The following GMPR variants were observed in gnomAD, a reference collection of about 807,000 sequenced individuals.
GMPR encodes GMP reductase 1.
Under a neutral mutation model 38.4 loss-of-function variants are expected in GMPR, and 31 were observed. That is an observed-to-expected ratio of 0.81 (90% CI 0.61 to 1.09). The LOEUF is 1.09. GMPR is among the 50% of genes least tolerant of loss of function. The pLI is 0.00. For synonymous variants in GMPR, 162 were observed against 173.3 expected, an observed-to-expected ratio of 0.93 and a Z score of 0.51; for missense variants, 468 against 453.7, an observed-to-expected ratio of 1.03 and a Z score of -0.29.
In GMPR at chr6:16,295,327, C is replaced by T. The variant is rs1208606215; in HGVS notation, c.*141C>T. The T allele has an allele frequency of 6.4e-6, 4 of 624,268 alleles. No homozygotes were observed. The highest frequency in any genetic ancestry group is 4.9e-6 in the Non-Finnish European group (2 of 406,032). 38.7% of individuals were successfully genotyped at this position (624,268 alleles called of 1,614,324 possible). A position where few individuals can be genotyped will look rare whatever the true frequency, so the allele number is the denominator to read the frequency against. ...TGTCCTCTCTTCTGTCTCCTGCTGC[C>T]TGGAGGCTTCGGGGCTCTCCCGCCT... On this transcript the variant is annotated 3_prime_UTR_variant, in exon 9 of 9. Transcript: ENST00000259727.
At chr6:16,240,602 C>T (rs1376851465) in intron 1 of GMPR, among the ~76,000 whole-genome samples, 1 of 152,226 alleles carries the variant, frequency 6.6e-6, no homozygotes, top group African/African-American at 2.4e-5. Context: ...TGCCACTGCA[C>T]TTCAGCCTGG....
intron 1 of GMPR, among the ~76,000 whole-genome samples, chr6:16,240,082 T>C (rs576650759): frequency 6.6e-6 from 1 of 152,306 alleles, no homozygotes; most frequent in East Asian, 1.9e-4. Context: ...AATAGGGGGA[T>C]TCTGGATGTG....
intron 7 of GMPR, 104 bp downstream of exon 7, chr6:16,285,939 G>A: frequency 2.1e-6 from 2 of 959,576 alleles, no homozygotes; most frequent in Non-Finnish European, 3.3e-6. Context: ...TGGTGGGGAA[G>A]TTCTGGGTCT....
Position 16,295,039 on chromosome 6 carries a change from C to G in GMPR, c.891C>G (p.Tyr297Ter). ...ASEGKTVEVPYKGDVENTILD... is the reference protein window; with the variant it reads ...ASEGKTVEVP ...AGGGTAAGACTGTGGAAGTTCCTTA[C>G]AAAGGAGATGTGGAAAACACTATCC... is the stretch of plus-strand genomic sequence containing the variant. The change falls in exon 9 of 9, where the codon TAC becomes TAG. Residue 297 changes from tyrosine (Y) to a stop codon, truncating the protein, a stop_gained. Transcript: ENST00000259727. LOFTEE classifies it high-confidence loss of function. The G allele has an allele frequency of 6.2e-7, 1 of 1,609,166 alleles. No individual in the cohort carries two copies.
chr6:16,271,185 A>T (rs1759377457), intron 4 of GMPR, among the ~76,000 whole-genome samples: 1 of 152,018 alleles, frequency 6.6e-6, no homozygotes, highest in African/African-American at 2.4e-5. Context: ...AAAGAAATCC[A>T]CATTGAAAAT....
At chr6:16,273,824 T>C in intron 4 of GMPR, among the ~76,000 whole-genome samples, 1 of 149,138 alleles carries the variant, frequency 6.7e-6, no homozygotes, top group African/African-American at 2.5e-5. Flanking sequence ...TTTTTTTTTT[T>C]TTTTTTTTTG....
chr6:16,267,817 G>T (rs543480383), intron 4 of GMPR, among the ~76,000 whole-genome samples: 2 of 152,306 alleles, frequency 1.3e-5, no homozygotes, highest in African/African-American at 4.8e-5. Context: ...TTAGATAGAG[G>T]CCAAGCTCTA....
chr6:16,265,691 A>C (rs1397548015), intron 4 of GMPR, among the ~76,000 whole-genome samples: 1 of 150,948 alleles, frequency 6.6e-6, no homozygotes, highest in Non-Finnish European at 1.5e-5. Context: ...ACCAATCAGC[A>C]CTCTGTAAAA....
At chr6:16,287,350 G>A (rs1759706089) in intron 7 of GMPR, among the ~76,000 whole-genome samples, 1 of 152,184 alleles carries the variant, frequency 6.6e-6, no homozygotes, top group Non-Finnish European at 1.5e-5. Context: ...TCTGTACAGA[G>A]GGAGAGCCAA....
intron 4 of GMPR, among the ~76,000 whole-genome samples, chr6:16,274,088 A>G (rs1471448700): frequency 6.6e-6 from 1 of 152,170 alleles, no homozygotes; most frequent in Admixed American, 6.5e-5. Context: ...TACTGAGATT[A>G]CAGGCGTGAG....
intron 4 of GMPR, among the ~76,000 whole-genome samples, chr6:16,258,868 T>C (rs1375560321): frequency 6.6e-6 from 1 of 152,230 alleles, no homozygotes; most frequent in African/African-American, 2.4e-5. Context: ...TGGAGTGTTA[T>C]TACGATTGTT....
At position 16,288,162 on chromosome 6, in the gene GMPR, G is replaced by T. The variant is rs112231871; in HGVS notation, c.698-2300G>T. ...GGGCTCCCACTTTGGCAGCACTTGAGGAGCCCTTCAGCCCGTCTCTGCACT... is the reference window on the plus strand; with the variant it reads ...GGGCTCCCACTTTGGCAGCACTTGATGAGCCCTTCAGCCCGTCTCTGCACT... On this transcript the variant is annotated intron_variant, in intron 7 of 8. Transcript: ENST00000259727. Among the ~76,000 whole-genome samples, 367 of 152,364 alleles carry T rather than the reference G, an allele frequency of 2.4e-3. 1 individual carries two copies. Among genetic ancestry groups the T allele is most frequent in the Non-Finnish European group, 4.3e-3 (292 of 68,032 alleles).
At position 16,295,239 on chromosome 6, in the gene GMPR, T is replaced by C; in HGVS notation, c.*53T>C. 3.0e-6 allele frequency: 4 copies of C among 1,318,308 alleles called. No homozygotes were observed. The highest frequency in any genetic ancestry group is 1.5e-5 in the African/African-American group (1 of 65,190). The allele number at this position is 1,318,308 out of a possible 1,614,324, so 81.7% of individuals were successfully genotyped here. ...GAGTGGAAGCGTCCAAACCTGCTTT[T>C]CCCATCTCCCCCCAAGTCTGTTCCG... On this transcript the variant is annotated 3_prime_UTR_variant, in exon 9 of 9. Transcript: ENST00000259727.
chr6:16,260,425 G>A (rs1344957679), intron 4 of GMPR, among the ~76,000 whole-genome samples: 4 of 151,950 alleles, frequency 2.6e-5, no homozygotes, highest in Non-Finnish European at 2.9e-5. Flanking sequence ...GGAAAGGCCT[G>A]TACTTATCCA....
At chr6:16,238,816 T>A (rs1422437541) in intron 1 of GMPR, 36 bp downstream of exon 1, 1 of 1,269,394 alleles carries the variant, frequency 7.9e-7, no homozygotes, top group Non-Finnish European at 1.1e-6. Context: ...GGGGTGGGAT[T>A]TTTTTTTCCG....
At chr6:16,253,411 T>G (rs1758912335) in intron 3 of GMPR, among the ~76,000 whole-genome samples, 1 of 152,162 alleles carries the variant, frequency 6.6e-6, no homozygotes, top group African/African-American at 2.4e-5. Context: ...GTGCCACCCA[T>G]TTGCTTTTGG....
At chr6:16,268,407 C>G (rs1376675913) in intron 4 of GMPR, among the ~76,000 whole-genome samples, 1 of 152,078 alleles carries the variant, frequency 6.6e-6, no homozygotes, top group Non-Finnish European at 1.5e-5. Context: ...CTCCGCCTCC[C>G]AGGTTCAAGT....
At chr6:16,265,206 G>C (rs1279100746) in intron 4 of GMPR, among the ~76,000 whole-genome samples, 1 of 152,202 alleles carries the variant, frequency 6.6e-6, no homozygotes, top group South Asian at 2.1e-4. Flanking sequence ...TCCTACCTCT[G>C]CCTCCTAAAG....
intron 6 of GMPR, among the ~76,000 whole-genome samples, chr6:16,285,562 G>A (rs552278481): frequency 6.6e-6 from 1 of 152,342 alleles, no homozygotes; most frequent in East Asian, 1.9e-4. Context: ...GGTGGTGCCA[G>A]CTTCTGACCC....
Sources: gnomAD v4.1 joint callset for allele counts (sites outside exome capture counted in the v4.1 genomes callset) on GRCh38, gnomAD v4.1.1 for gene constraint, MANE v1.5 for transcripts, NCBI Gene and HGNC (gene_info 2026-07-23, HGNC 2026-07-21) for gene names.